Variants in ADAM18 observed in about 807,000 individuals in gnomAD.
The protein encoded by ADAM18 is ADAM metallopeptidase domain 18, also known as disintegrin and metalloproteinase domain-containing protein 18.
Under a neutral mutation model 94.4 loss-of-function variants are expected in ADAM18, and 117 were observed. The ratio of observed to expected loss-of-function variants is 1.24; its 90% CI spans 1.07 to 1.45. ADAM18 has a LOEUF of 1.45. Ranked by LOEUF, ADAM18 falls within the 40% of genes most tolerant of loss-of-function variation. The pLI, the probability that ADAM18 is intolerant of heterozygous loss-of-function variation, is 0.00. For missense variants in ADAM18, 936 were observed against 880.0 expected, an observed-to-expected ratio of 1.06 and a Z score of -0.81; for synonymous variants, 327 against 291.6, an observed-to-expected ratio of 1.12 and a Z score of -1.24.
At chr8:39,614,666 C>G (rs1819384708) in intron 6 of ADAM18, among the ~76,000 whole-genome samples, 1 of 152,124 alleles carries the variant, frequency 6.6e-6, no homozygotes, top group Non-Finnish European at 1.5e-5. Context: ...AAAAGCATGG[C>G]AGGTTGCATG....
chr8:39,631,121 A>T (rs1819920708), intron 7 of ADAM18, among the ~76,000 whole-genome samples: 1 of 151,892 alleles, frequency 6.6e-6, no homozygotes, highest in Non-Finnish European at 1.5e-5. Flanking sequence ...TTTTTCAGAT[A>T]GCTGTATTAA....
intron 18 of ADAM18, among the ~76,000 whole-genome samples, chr8:39,720,307 G>A (rs1822711577): frequency 6.6e-6 from 1 of 151,368 alleles, no homozygotes; most frequent in African/African-American, 2.4e-5. Flanking sequence ...CCTGTGTGGG[G>A]AGTAGCAACA....
intron 17 of ADAM18, among the ~76,000 whole-genome samples, chr8:39,696,104 G>T (rs1360200178): frequency 2.0e-5 from 3 of 151,184 alleles, no homozygotes; most frequent in Non-Finnish European, 3.0e-5. Context: ...GTTGCAAAAT[G>T]GAATTATCAC....
intron 17 of ADAM18, among the ~76,000 whole-genome samples, chr8:39,701,899 T>C (rs895812941): frequency 6.6e-6 from 1 of 152,182 alleles, no homozygotes; most frequent in Non-Finnish European, 1.5e-5. Context: ...TGATGGGCAT[T>C]TAGGTTGATT....
At chr8:39,613,332 C>T (rs1364984978) in intron 6 of ADAM18, among the ~76,000 whole-genome samples, 1 of 152,146 alleles carries the variant, frequency 6.6e-6, no homozygotes, top group African/African-American at 2.4e-5. Flanking sequence ...CTGATTTCAG[C>T]CCCCCAGGGT....
chr8:39,646,353 A>G (rs1820375632), intron 11 of ADAM18, among the ~76,000 whole-genome samples: 1 of 152,120 alleles, frequency 6.6e-6, no homozygotes, highest in South Asian at 2.1e-4. Flanking sequence ...ACATAATTTT[A>G]TGTTTTAATT....
intron 6 of ADAM18, among the ~76,000 whole-genome samples, chr8:39,614,307 G>A (rs377697505): frequency 6.6e-6 from 1 of 152,194 alleles, no homozygotes; most frequent in Non-Finnish European, 1.5e-5. Flanking sequence ...AAGAGATTGA[G>A]AGCCTATATT....
intron 16 of ADAM18, among the ~76,000 whole-genome samples, chr8:39,681,560 G>A (rs563133310): frequency 3.0e-4 from 45 of 152,162 alleles, no homozygotes; most frequent in Non-Finnish European, 4.4e-5. Context: ...ATGCAGATTT[G>A]ATACCTGGAC....
intron 12 of ADAM18, among the ~76,000 whole-genome samples, chr8:39,651,950 G>A (rs1007160706): frequency 4.0e-5 from 5 of 124,462 alleles, no homozygotes; most frequent in Non-Finnish European, 9.1e-5. Flanking sequence ...CACATTTATA[G>A]TCAATTGATT....
chr8:39,643,306 G>A (rs1004995797), intron 10 of ADAM18, among the ~76,000 whole-genome samples: 1 of 151,974 alleles, frequency 6.6e-6, no homozygotes, highest in African/African-American at 2.4e-5. Flanking sequence ...ATAGTATGTT[G>A]AATAGGAGTG....
At chr8:39,648,693 C>T (rs975464686) in intron 12 of ADAM18, among the ~76,000 whole-genome samples, 166 bp downstream of exon 12, 5 of 152,142 alleles carry the variant, frequency 3.3e-5, no homozygotes, top group African/African-American at 1.2e-4. Flanking sequence ...GTTCCCACAA[C>T]TCTTAAACTG....
chr8:39,643,111 A>G (rs961263044), intron 10 of ADAM18, among the ~76,000 whole-genome samples: 2 of 152,078 alleles, frequency 1.3e-5, no homozygotes, highest in Non-Finnish European at 2.9e-5. Flanking sequence ...TAGGAATACC[A>G]GTGATTTTTG....
At chr8:39,626,698 G>A (rs1819779887) in intron 6 of ADAM18, among the ~76,000 whole-genome samples, 1 of 151,888 alleles carries the variant, frequency 6.6e-6, no homozygotes, top group Non-Finnish European at 1.5e-5. Context: ...TAAAATTCTT[G>A]TATTTCTATA....
At chr8:39,616,080 T>A in intron 6 of ADAM18, among the ~76,000 whole-genome samples, 1 of 152,106 alleles carries the variant, frequency 6.6e-6, no homozygotes, top group Non-Finnish European at 1.5e-5. Flanking sequence ...GAAAATATTT[T>A]ATGCCCATGG....
intron 18 of ADAM18, among the ~76,000 whole-genome samples, chr8:39,719,771 T>C (rs1251694843): frequency 6.6e-6 from 1 of 151,462 alleles, no homozygotes; most frequent in African/African-American, 2.4e-5. Flanking sequence ...ACATTAACTT[T>C]GGCCAAGATG....
At chr8:39,713,385 G>A (rs1822473887) in intron 18 of ADAM18, among the ~76,000 whole-genome samples, 2 of 152,162 alleles carry the variant, frequency 1.3e-5, no homozygotes, top group Non-Finnish European at 2.9e-5. Context: ...CATGGGCAAG[G>A]ACTTCACGAC....
intron 16 of ADAM18, among the ~76,000 whole-genome samples, chr8:39,691,805 G>A (rs537498763): frequency 6.6e-6 from 1 of 151,958 alleles, no homozygotes. Flanking sequence ...ATTTTTTGCT[G>A]AAATGCTCTG....
Position 39,640,452 on chromosome 8 carries a change from A to T in ADAM18, c.909+1906A>T, listed in dbSNP as rs141758614. Among the ~76,000 whole-genome samples the T allele has an allele frequency of 3.4e-3, 512 of 152,148 alleles. 3 individuals carry two copies. Among genetic ancestry groups the T allele is most frequent in the African/African-American group, 5.4e-3 (226 of 41,520 alleles). ...CTTGGTGGCCATTTGGGTTGATTCA[A>T]TGTCTTTGCTATTGTGACTAGTGCT... is the stretch of plus-strand genomic sequence containing the variant. On this transcript the variant is annotated intron_variant, in intron 10 of 19. Coordinates refer to ENST00000265707, the MANE Select transcript of ADAM18 (RefSeq NM_014237.3).
chr8:39,693,673 C>A (rs956641745), intron 17 of ADAM18, among the ~76,000 whole-genome samples: 4 of 150,902 alleles, frequency 2.7e-5, no homozygotes, highest in African/African-American at 9.7e-5. Flanking sequence ...TGTTTTACTT[C>A]TACTTTTTAG....
Sources: gnomAD v4.1 joint callset for allele counts (sites outside exome capture counted in the v4.1 genomes callset) on GRCh38, gnomAD v4.1.1 for gene constraint, MANE v1.5 for transcripts, NCBI Gene and HGNC (gene_info 2026-07-23, HGNC 2026-07-21) for gene names.